Variants in PKHD1 observed in about 807,000 individuals in gnomAD.
The protein encoded by PKHD1 is PKHD1 ciliary IPT domain containing fibrocystin/polyductin, also known as fibrocystin.
A neutral mutation model predicts 412.0 loss-of-function variants in PKHD1; 291 were observed. The ratio of observed to expected loss-of-function variants is 0.71; its 90% CI spans 0.64 to 0.78. The LOEUF is 0.78. Among genes scored for constraint, PKHD1 ranks in the 30% least tolerant of loss-of-function variants. The pLI is 0.00. For missense variants in PKHD1, 4,825 were observed against 4,950.7 expected, an observed-to-expected ratio of 0.97 and a Z score of 0.76; for synonymous variants, 1,777 against 1,821.5, an observed-to-expected ratio of 0.98 and a Z score of 0.62.
chr6:52,009,388 C>T (rs947723546), intron 35 of PKHD1, among the ~76,000 whole-genome samples: 1 of 152,196 alleles, frequency 6.6e-6, no homozygotes, highest in Non-Finnish European at 1.5e-5. Context: ...CATTTTGAAG[C>T]CAGGAAGCTG....
At chr6:51,836,968 A>C (rs1280504953) in intron 50 of PKHD1, among the ~76,000 whole-genome samples, 1 of 152,142 alleles carries the variant, frequency 6.6e-6, no homozygotes, top group Non-Finnish European at 1.5e-5. Context: ...CCAACTGAGC[A>C]CATTTAAAAG....
chr6:51,955,692 G>A (rs1367274538), intron 36 of PKHD1, among the ~76,000 whole-genome samples: 1 of 151,954 alleles, frequency 6.6e-6, no homozygotes, highest in Non-Finnish European at 1.5e-5. Context: ...CTGTTACTTA[G>A]CAGTAATCCT....
chr6:51,834,757 T>C (rs1175271124), intron 51 of PKHD1, among the ~76,000 whole-genome samples: 11 of 152,196 alleles, frequency 7.2e-5, no homozygotes, highest in African/African-American at 2.7e-4. Context: ...TGTAACTCTT[T>C]GTGTTTTGAA....
intron 60 of PKHD1, among the ~76,000 whole-genome samples, chr6:51,709,315 C>T (rs535965172): frequency 7.2e-5 from 11 of 152,180 alleles, no homozygotes; most frequent in Admixed American, 5.2e-4. Flanking sequence ...TGCTGGTGTC[C>T]ACAAAAAGGC....
chr6:51,712,413 A>G (rs1258000627), intron 60 of PKHD1, among the ~76,000 whole-genome samples: 3 of 152,112 alleles, frequency 2.0e-5, no homozygotes, highest in African/African-American at 7.2e-5. Context: ...TGTTTTTAGT[A>G]TTTTTGTAAT....
Position 51,638,886 on chromosome 6 carries a change from T to C in PKHD1, c.11469A>G (p.Ser3823=). Residue 3823 remains serine (S), a synonymous_variant, in exon 64 of 67, where the codon TCA becomes TCG. Transcript: ENST00000371117. ...TGACAGTAAAAATAAAGTGCCAGTT[T>C]GACCCAGAGATCAAGACTGCCAAGT... ...FYNLAVLISG[S]NWHFIFTVTS... 6.2e-7 allele frequency: 1 copy of C among 1,613,322 alleles called. No homozygotes were observed. The highest frequency in any genetic ancestry group is 8.5e-7 in the Non-Finnish European group (1 of 1,179,458).
At chr6:52,006,604 T>C (rs1441333059) in intron 35 of PKHD1, among the ~76,000 whole-genome samples, 1 of 152,204 alleles carries the variant, frequency 6.6e-6, no homozygotes, top group Non-Finnish European at 1.5e-5. Flanking sequence ...CTCGAACTCC[T>C]GACCTCAGGT....
intron 49 of PKHD1, among the ~76,000 whole-genome samples, chr6:51,853,238 A>T (rs1772643949): frequency 6.6e-6 from 1 of 152,210 alleles, no homozygotes; most frequent in Non-Finnish European, 1.5e-5. Flanking sequence ...ATTGGCTTCC[A>T]ATCTCCACTG....
chr6:51,681,980 T>A (rs1296648994), intron 60 of PKHD1, among the ~76,000 whole-genome samples: 1 of 152,054 alleles, frequency 6.6e-6, no homozygotes, highest in African/African-American at 2.4e-5. Flanking sequence ...CAGAAAAGTA[T>A]GAGATGGAAG....
Position 51,908,847 on chromosome 6 carries a change from G to A in PKHD1, c.6682+436C>T, listed in dbSNP as rs76477139. On this transcript the variant is annotated intron_variant, in intron 40 of 66. Coordinates refer to ENST00000371117, the MANE Select transcript of PKHD1 (RefSeq NM_138694.4). ...ATTTAGGACAACTTTACATAGAAGT[G>A]CCTGGACTCCCACAGTGTTGATAAT... Among the ~76,000 whole-genome samples, 745 of 152,140 alleles carry A rather than the reference G, an allele frequency of 4.9e-3. 6 individuals carry two copies. Among genetic ancestry groups the A allele is most frequent in the African/African-American group, 0.017 (714 of 41,518 alleles).
At chr6:51,648,567 CAAT>C (rs1464655581) in intron 62 of PKHD1, among the ~76,000 whole-genome samples, 5 of 152,110 alleles carry the variant, frequency 3.3e-5, no homozygotes, top group African/African-American at 1.2e-4. Context: ...GCCAATTCAA[CAAT>C]CATAGTTCAC....
chr6:51,933,343 A>G (rs1786946206), intron 37 of PKHD1, among the ~76,000 whole-genome samples: 1 of 152,166 alleles, frequency 6.6e-6, no homozygotes, highest in Non-Finnish European at 1.5e-5. Flanking sequence ...CACCCCACCT[A>G]TCTGTAAGAG....
rs1209773827 is a variant in PKHD1, at chr6:51,747,881, C to A, written c.9735G>T (p.Trp3245Cys). The A allele has an allele frequency of 6.2e-7, 1 of 1,613,716 alleles. No individual in the cohort carries two copies. The highest frequency in any genetic ancestry group is 8.5e-7 in the Non-Finnish European group (1 of 1,179,870). Residue 3245 changes from tryptophan to cysteine, a missense_variant, in exon 58 of 67, where the codon TGG (tryptophan) becomes TGT (cysteine). Transcript: ENST00000371117. ...GATTTGGTTCTGAGGTGAATACAGGCCACAGAATACCAATTCGACCTCCTC... is the reference window on the plus strand; with the variant it reads ...GATTTGGTTCTGAGGTGAATACAGGACACAGAATACCAATTCGACCTCCTC... ...NPRGGRIGIL[W>C]PVFTSEPNQW...
intron 43 of PKHD1, among the ~76,000 whole-genome samples, chr6:51,888,901 G>A (rs1341996819): frequency 2.6e-5 from 4 of 150,962 alleles, no homozygotes; most frequent in Non-Finnish European, 5.9e-5. Flanking sequence ...CTGCAGTGAT[G>A]CTATTAGTGG....
chr6:51,644,886 G>A (rs879426607), intron 63 of PKHD1, among the ~76,000 whole-genome samples: 2 of 152,116 alleles, frequency 1.3e-5, no homozygotes, highest in Admixed American at 6.5e-5. Flanking sequence ...TACCATGTTG[G>A]CCAGGATGGT....
intron 46 of PKHD1, among the ~76,000 whole-genome samples, chr6:51,872,478 G>A (rs548132119): frequency 2.0e-4 from 30 of 151,762 alleles, no homozygotes; most frequent in Non-Finnish European, 3.7e-4. Flanking sequence ...GCATGATCTC[G>A]GCTCACTGCA....
At chr6:51,829,941 T>G (rs76831596) in intron 52 of PKHD1, among the ~76,000 whole-genome samples, 1,553 of 152,300 alleles carry the variant, frequency 0.01, 29 homozygotes, top group African/African-American at 0.036. Flanking sequence ...CCTCTGTTTC[T>G]CTGTCTGTAA....
At chr6:51,725,508 C>T (rs923422063) in intron 60 of PKHD1, among the ~76,000 whole-genome samples, 4 of 152,008 alleles carry the variant, frequency 2.6e-5, no homozygotes, top group African/African-American at 9.7e-5. Flanking sequence ...AGAGGAAATG[C>T]AAAGAAGAAG....
chr6:51,979,151 A>G (rs1794819958), intron 35 of PKHD1, among the ~76,000 whole-genome samples: 1 of 152,102 alleles, frequency 6.6e-6, no homozygotes, highest in Non-Finnish European at 1.5e-5. Flanking sequence ...TTTCTTCTCT[A>G]TGTATGCAGT....
Sources: allele counts gnomAD v4.1 joint callset (sites outside exome capture counted in the v4.1 genomes callset), GRCh38; gene constraint gnomAD v4.1.1; transcripts MANE v1.5; gene names NCBI Gene and HGNC (gene_info 2026-07-23, HGNC 2026-07-21).